Variants in LEPR observed in about 807,000 individuals in gnomAD.
The protein encoded by LEPR is leptin receptor, also known as OB receptor.
A neutral mutation model predicts 114.7 loss-of-function variants in LEPR; 56 were observed. That is an observed-to-expected ratio of 0.49 (90% CI 0.39 to 0.61). The LOEUF (loss-of-function observed/expected upper bound fraction) is 0.61, where lower values mean the gene tolerates loss of function less well. Ranked by LOEUF, LEPR falls within the 20% of genes least tolerant of loss-of-function variation. LEPR has a pLI of 0.00. For synonymous variants in LEPR, 443 were observed against 461.4 expected, an observed-to-expected ratio of 0.96 and a Z score of 0.51; for missense variants, 1,202 against 1,352.9, an observed-to-expected ratio of 0.89 and a Z score of 1.75.
rs554098506 is a variant in LEPR at position 65,571,364 on chromosome 1, A to T, written c.370+562A>T. On this transcript the variant is annotated intron_variant, in intron 4 of 19. Transcript: ENST00000349533. ...ATAAAAGTTGGAAAAACAAAAAAAG[A>T]AAAGAAAAAAATTCTTTTTTTTTGT... Among the ~76,000 whole-genome samples the T allele has an allele frequency of 2.6e-4, 39 of 152,270 alleles. 1 individual carries two copies. The South Asian group carries it at 7.5e-3, about 29-fold the overall frequency.
Position 65,601,514 on chromosome 1 carries a change from G to C in LEPR, c.1117G>C (p.Ala373Pro). ...SKEIVWWMNL[A>P]EKIPQSQYDV... ...AGAGATTGTTTGGTGGATGAATTTAGCTGAGAAAATTCCTCAAAGCCAGTA... is the reference window on the plus strand; with the variant it reads ...AGAGATTGTTTGGTGGATGAATTTACCTGAGAAAATTCCTCAAAGCCAGTA... Residue 373 changes from alanine (A) to proline (P), a missense_variant, in exon 9 of 20, where the codon GCT becomes CCT. Coordinates refer to ENST00000349533, the MANE Select transcript of LEPR (RefSeq NM_002303.6). 1 of 1,613,726 alleles carries C rather than the reference G, an allele frequency of 6.2e-7. No homozygotes were observed. The highest frequency in any genetic ancestry group is 8.5e-7 in the Non-Finnish European group (1 of 1,179,726).
In LEPR at chr1:65,641,452, T is replaced by A. The variant is rs946656928; in HGVS notation, c.*4437T>A. On this transcript the variant is annotated 3_prime_UTR_variant, in exon 20 of 20. Coordinates refer to ENST00000349533, the MANE Select transcript of LEPR (RefSeq NM_002303.6). ...GAAATTTGTCTACTTCTCCTTTATGTTCCCAAAGTCACAGAGAAAGCAGTG... is the reference window on the plus strand; with the variant it reads ...GAAATTTGTCTACTTCTCCTTTATGATCCCAAAGTCACAGAGAAAGCAGTG... 3.9e-5 allele frequency: 6 copies of A among 152,240 alleles called. No homozygotes were observed. The highest frequency in any genetic ancestry group is 1.4e-4 in the African/African-American group (6 of 41,470). 9.4% of individuals were successfully genotyped at this position (152,240 alleles called of 1,614,324 possible).
At chr1:65,425,169 C>G in intron 1 of LEPR, 134 bp from the exon 2 acceptor site, 1 of 695,034 alleles carries the variant, frequency 1.4e-6, no homozygotes, top group Non-Finnish European at 2.5e-6. Context: ...TCACTACTAT[C>G]TAATTCCAGA....
chr1:65,555,214 A>G (rs568451207), intron 2 of LEPR, among the ~76,000 whole-genome samples: 2 of 152,282 alleles, frequency 1.3e-5, no homozygotes, highest in East Asian at 1.9e-4. Context: ...TGCTAAATTT[A>G]TTTAGCATGA....
chr1:65,570,070 C>T (rs1654049251), intron 3 of LEPR, among the ~76,000 whole-genome samples: 1 of 152,122 alleles, frequency 6.6e-6, no homozygotes, highest in Non-Finnish European at 1.5e-5. Context: ...TATATAATTG[C>T]ACATCCAGAT....
At chr1:65,481,900 G>A (rs1364449977) in intron 2 of LEPR, among the ~76,000 whole-genome samples, 1 of 149,468 alleles carries the variant, frequency 6.7e-6, no homozygotes, top group Admixed American at 6.7e-5. Flanking sequence ...AGAATTAGAA[G>A]AAAAAAGAGG....
At chr1:65,519,558 C>T (rs1284863304) in intron 2 of LEPR, among the ~76,000 whole-genome samples, 1 of 152,082 alleles carries the variant, frequency 6.6e-6, no homozygotes, top group Admixed American at 6.5e-5. Flanking sequence ...TCACTTCCTT[C>T]TGAAGAAGCA....
chr1:65,454,706 G>A (rs1277891165), intron 2 of LEPR, among the ~76,000 whole-genome samples: 1 of 152,080 alleles, frequency 6.6e-6, no homozygotes, highest in Non-Finnish European at 1.5e-5. Flanking sequence ...CTCTCTGGCT[G>A]CCCTTAACAT....
At chr1:65,602,758 C>T (rs1042189190) in intron 10 of LEPR, among the ~76,000 whole-genome samples, 3 of 152,050 alleles carry the variant, frequency 2.0e-5, no homozygotes, top group African/African-American at 7.2e-5. Flanking sequence ...AATCCCTTCT[C>T]TCAAATACTG....
intron 2 of LEPR, among the ~76,000 whole-genome samples, chr1:65,523,416 T>A (rs2100587683): frequency 6.6e-6 from 1 of 152,278 alleles, no homozygotes; most frequent in Non-Finnish European, 1.5e-5. Flanking sequence ...ATTCAACCGA[T>A]TCTCTTGCCT....
chr1:65,603,867 A>G (rs1398211594), intron 10 of LEPR, among the ~76,000 whole-genome samples: 1 of 151,976 alleles, frequency 6.6e-6, no homozygotes, highest in African/African-American at 2.4e-5. Flanking sequence ...TTTTTTTTAA[A>G]TTTTCTTTTC....
intron 5 of LEPR, among the ~76,000 whole-genome samples, chr1:65,583,504 A>G (rs1282292300): frequency 1.4e-5 from 2 of 147,048 alleles, no homozygotes; most frequent in African/African-American, 4.9e-5. Context: ...CAGAAGAGCT[A>G]TACTTTAAAG....
chr1:65,595,227 T>G (rs1246408519), intron 6 of LEPR, among the ~76,000 whole-genome samples: 1 of 152,098 alleles, frequency 6.6e-6, no homozygotes, highest in Non-Finnish European at 1.5e-5. Context: ...AGTGTCTCTG[T>G]GCAAGCGGCT....
intron 2 of LEPR, among the ~76,000 whole-genome samples, chr1:65,502,681 C>A (rs757529133): frequency 1.3e-5 from 2 of 152,010 alleles, no homozygotes; most frequent in Non-Finnish European, 2.9e-5. Flanking sequence ...AGTTATGAAG[C>A]CTTCATTGTG....
intron 5 of LEPR, among the ~76,000 whole-genome samples, chr1:65,573,938 T>G (rs1557671954): frequency 1.3e-5 from 2 of 152,192 alleles, no homozygotes; most frequent in Non-Finnish European, 2.9e-5. Flanking sequence ...CAGTAAAAAT[T>G]TAAAAAGAAA....
At chr1:65,565,643 A>G in intron 3 of LEPR, 38 bp downstream of exon 3, 1 of 1,611,910 alleles carries the variant, frequency 6.2e-7, no homozygotes, top group Non-Finnish European at 8.5e-7. Flanking sequence ...AATGCCCTTA[A>G]ACATGGTAGA....
intron 8 of LEPR, among the ~76,000 whole-genome samples, chr1:65,599,730 T>C (rs774982300): frequency 3.7e-4 from 43 of 114,976 alleles, no homozygotes; most frequent in African/African-American, 1.4e-3. Context: ...TAAAATTAAA[T>C]AATGAAATGA....
At chr1:65,610,384 C>G in intron 14 of LEPR, 88 bp downstream of exon 14, 1 of 1,118,428 alleles carries the variant, frequency 8.9e-7, no homozygotes, top group Non-Finnish European at 1.3e-6. Context: ...TATTAATCTT[C>G]GGAAAGCTCA....
At chr1:65,510,823 CAG>C (rs1443232020) in intron 2 of LEPR, among the ~76,000 whole-genome samples, 11 of 152,290 alleles carry the variant, frequency 7.2e-5, no homozygotes, top group Middle Eastern at 3.4e-3. Context: ...AGGCAACACA[CAG>C]GGGGCATTTG....
Sources: allele counts gnomAD v4.1 joint callset (sites outside exome capture counted in the v4.1 genomes callset), GRCh38; gene constraint gnomAD v4.1.1; transcripts MANE v1.5; gene names NCBI Gene and HGNC (gene_info 2026-07-23, HGNC 2026-07-21).